Variants in INPP4B observed in about 807,000 individuals in gnomAD.
INPP4B encodes inositol polyphosphate-4-phosphatase type II B.
INPP4B carries 55 observed loss-of-function variants against 122.5 expected under a neutral mutation model. The ratio of observed to expected loss-of-function variants is 0.45; its 90% CI spans 0.36 to 0.56. The LOEUF is 0.56. INPP4B is among the 20% of genes least tolerant of loss of function. The pLI, the probability that INPP4B is intolerant of heterozygous loss-of-function variation, is 0.00. For synonymous variants in INPP4B, 403 were observed against 388.7 expected (o/e 1.04, Z -0.43); for missense variants, 1,000 against 1,097.7 (o/e 0.91, Z 1.26).
chr4:142,086,323 G>T (rs1193274247), intron 23 of INPP4B, 67 bp from the exon 24 acceptor site: 2 of 848,178 alleles, frequency 2.4e-6, no homozygotes, highest in Non-Finnish European at 1.9e-6. Flanking sequence ...GCCCATGGAG[G>T]TTTTTTCAAT....
intron 22 of INPP4B, among the ~76,000 whole-genome samples, chr4:142,110,698 T>C (rs1789579819): frequency 6.6e-6 from 1 of 152,126 alleles, no homozygotes; most frequent in Admixed American, 6.6e-5. Flanking sequence ...TTGTGTGTCT[T>C]GTACAGCTTC....
rs147474729 is a variant in INPP4B, at chr4:142,265,111, G to T, written c.616-4547C>A. Among the ~76,000 whole-genome samples, 531 of 152,242 alleles carry T rather than the reference G, an allele frequency of 3.5e-3. 6 individuals carry two copies. Among genetic ancestry groups the T allele is most frequent in the African/African-American group, 0.012 (509 of 41,544 alleles). On this transcript the variant is annotated intron_variant, in intron 10 of 25. Coordinates refer to ENST00000262992, the MANE Select transcript of INPP4B (RefSeq NM_001101669.3). Reference sequence around the variant, plus strand: ...AAAGCCCTCACCAGGAACTGAACAGGCTGGCACCTTGATCTGGGACTTCCT... The same window carrying T: ...AAAGCCCTCACCAGGAACTGAACAGTCTGGCACCTTGATCTGGGACTTCCT...
At chr4:142,692,699 C>T (rs1054769683) in intron 2 of INPP4B, among the ~76,000 whole-genome samples, 1 of 152,214 alleles carries the variant, frequency 6.6e-6, no homozygotes, top group Non-Finnish European at 1.5e-5. Context: ...ACACTCCATT[C>T]TGTGTCCAGG....
At chr4:142,486,287 A>G (rs1486027949) in intron 2 of INPP4B, among the ~76,000 whole-genome samples, 1 of 152,178 alleles carries the variant, frequency 6.6e-6, no homozygotes, top group Non-Finnish European at 1.5e-5. Flanking sequence ...CTACATTCTC[A>G]CCAACATTTA....
At chr4:142,816,226 G>C (rs1780101444) in intron 1 of INPP4B, among the ~76,000 whole-genome samples, 1 of 152,048 alleles carries the variant, frequency 6.6e-6, no homozygotes, top group Non-Finnish European at 1.5e-5. Flanking sequence ...TCATTTTTAG[G>C]GTTGTAAGAT....
chr4:142,358,259 A>G lies in INPP4B; in HGVS notation c.373-43497T>C, dbSNP rs114693855. Among the ~76,000 whole-genome samples the G allele has an allele frequency of 1.5e-3, 225 of 152,120 alleles. 1 individual carries two copies. Among genetic ancestry groups the G allele is most frequent in the African/African-American group, 5.0e-3 (207 of 41,544 alleles). On this transcript the variant is annotated intron_variant, in intron 7 of 25. Coordinates refer to ENST00000262992, the MANE Select transcript of INPP4B (RefSeq NM_001101669.3). ...GTTATCTGAGGAATTTTTTAAAAAT[A>G]CATAGGCTTTATTCTAGAGGTATGC...
At chr4:142,189,739 T>C (rs1369716527) in intron 15 of INPP4B, among the ~76,000 whole-genome samples, 1 of 151,996 alleles carries the variant, frequency 6.6e-6, no homozygotes, top group Non-Finnish European at 1.5e-5. Flanking sequence ...ACTTAGGAAA[T>C]AGTTTATATA....
In INPP4B at chr4:142,791,804, C is replaced by G. The variant is rs573092011; in HGVS notation, c.-254+54405G>C. ...GCACCCTGACACCCAGGCTCTGCTACTTACTCACCCATTGACTGCTATCTA... is the reference window on the plus strand; with the variant it reads ...GCACCCTGACACCCAGGCTCTGCTAGTTACTCACCCATTGACTGCTATCTA... On this transcript the variant is annotated intron_variant, in intron 1 of 25. Transcript: ENST00000262992. 2.2e-4 allele frequency among the ~76,000 whole-genome samples: 34 copies of G among 152,154 alleles called. No homozygotes were observed. In the South Asian group the frequency reaches 4.6e-3, roughly 20 times the overall value.
chr4:142,517,930 T>C lies in INPP4B; in HGVS notation c.-190-55204A>G, dbSNP rs914020624. ...TTTTACCATATCTTGATATTTATAG[T>C]GAAATGTATGTAGAGGTAAATTACT... On this transcript the variant is annotated intron_variant, in intron 2 of 25. Transcript: ENST00000262992. Among the ~76,000 whole-genome samples, 8 of 152,340 alleles carry C rather than the reference T, an allele frequency of 5.3e-5. No homozygotes were observed. In the East Asian group the frequency reaches 1.4e-3, roughly 26 times the overall value.
At chr4:142,158,108 A>C (rs1264863227) in intron 17 of INPP4B, among the ~76,000 whole-genome samples, 1 of 152,076 alleles carries the variant, frequency 6.6e-6, no homozygotes, top group Admixed American at 6.6e-5. Context: ...CACTCACTTT[A>C]AAACAAAACA....
rs1740853248 is a variant in INPP4B at position 142,263,075 on chromosome 4, T to C, written c.616-2511A>G. ...CAATACAACACAGATCTTAAACTAA[T>C]AGAAGAGGTAAGGCAGGGGCTGAAC... On this transcript the variant is annotated intron_variant, in intron 10 of 25. Coordinates refer to ENST00000262992, the MANE Select transcript of INPP4B (RefSeq NM_001101669.3). Among the ~76,000 whole-genome samples the C allele has an allele frequency of 2.6e-5, 4 of 152,126 alleles. No individual in the cohort carries two copies. The South Asian group carries it at 8.3e-4, about 32-fold the overall frequency.
intron 2 of INPP4B, among the ~76,000 whole-genome samples, chr4:142,707,939 A>C (rs918542054): frequency 3.3e-5 from 5 of 152,344 alleles, no homozygotes; most frequent in African/African-American, 1.2e-4. Context: ...ATTGTGGCCA[A>C]AATGCTGATA....
intron 25 of INPP4B, among the ~76,000 whole-genome samples, chr4:142,065,070 G>A (rs987811745): frequency 1.3e-5 from 2 of 152,146 alleles, no homozygotes; most frequent in Non-Finnish European, 2.9e-5. Context: ...AATAGTTTAT[G>A]TGATTTTATT....
At chr4:142,380,095 A>T (rs1198991953) in intron 7 of INPP4B, among the ~76,000 whole-genome samples, 1 of 152,246 alleles carries the variant, frequency 6.6e-6, no homozygotes, top group Non-Finnish European at 1.5e-5. Context: ...GTGGTCAGTT[A>T]TCAGATCACT....
At chr4:142,641,468 G>A (rs1750444435) in intron 2 of INPP4B, among the ~76,000 whole-genome samples, 1 of 146,064 alleles carries the variant, frequency 6.8e-6, no homozygotes, top group African/African-American at 2.6e-5. Context: ...CCTTTCCTGT[G>A]TCCAAGTGTT....
intron 2 of INPP4B, among the ~76,000 whole-genome samples, chr4:142,545,225 C>T (rs573776202): frequency 5.3e-5 from 8 of 152,302 alleles, no homozygotes; most frequent in African/African-American, 1.7e-4. Flanking sequence ...AATGTAGTTA[C>T]TGTACAGCAG....
At chr4:142,807,616 G>A (rs2151112067) in intron 1 of INPP4B, among the ~76,000 whole-genome samples, 1 of 152,278 alleles carries the variant, frequency 6.6e-6, no homozygotes, top group Admixed American at 6.5e-5. Context: ...ATTGGAAGGA[G>A]CAAGACCAAA....
At chr4:142,744,563 A>C (rs561674117) in intron 1 of INPP4B, among the ~76,000 whole-genome samples, 17 of 151,968 alleles carry the variant, frequency 1.1e-4, no homozygotes, top group African/African-American at 4.1e-4. Flanking sequence ...ACAGGGAACA[A>C]TAATGAAAAA....
chr4:142,443,676 G>C (rs997461526), intron 3 of INPP4B, among the ~76,000 whole-genome samples: 3 of 151,990 alleles, frequency 2.0e-5, no homozygotes, highest in Non-Finnish European at 4.4e-5. Flanking sequence ...TCCCACCAGA[G>C]GGGGCATGCA....
Sources: allele counts gnomAD v4.1 joint callset (sites outside exome capture counted in the v4.1 genomes callset), GRCh38; gene constraint gnomAD v4.1.1; transcripts MANE v1.5; gene names NCBI Gene and HGNC (gene_info 2026-07-23, HGNC 2026-07-21).